TRAK1: variants seen among roughly 807,000 people sequenced by gnomAD.
TRAK1 encodes trafficking kinesin protein 1.
Under a neutral mutation model 92.1 loss-of-function variants are expected in TRAK1, and 33 were observed. That is an observed-to-expected ratio of 0.36 (90% CI 0.27 to 0.48). The LOEUF is 0.48. TRAK1 is among the 20% of genes least tolerant of loss of function. The pLI is 0.99. For missense variants in TRAK1, 1,123 were observed against 1,257.9 expected (o/e 0.89, Z 1.62); for synonymous variants, 521 against 517.3 (o/e 1.01, Z -0.10).
intron 2 of TRAK1, among the ~76,000 whole-genome samples, chr3:42,143,397 C>T (rs547694883): frequency 6.7e-5 from 10 of 149,956 alleles, no homozygotes; most frequent in South Asian, 2.1e-4. Flanking sequence ...AGGCTTAGGA[C>T]GGGGATCATT....
chr3:42,207,654 G>A (rs1190096239), intron 13 of TRAK1, among the ~76,000 whole-genome samples: 1 of 152,146 alleles, frequency 6.6e-6, no homozygotes, highest in African/African-American at 2.4e-5. Context: ...CCTCAATATA[G>A]GGAAGCTTAA....
chr3:42,128,527 G>A (rs1710881540), intron 2 of TRAK1, among the ~76,000 whole-genome samples: 1 of 152,150 alleles, frequency 6.6e-6, no homozygotes, highest in African/African-American at 2.4e-5. Flanking sequence ...TCTCACTAAG[G>A]TCCTGCTACC....
At chr3:42,171,018 G>T (rs1415947479) in intron 2 of TRAK1, among the ~76,000 whole-genome samples, 2 of 151,798 alleles carry the variant, frequency 1.3e-5, no homozygotes, top group East Asian at 3.9e-4. Context: ...TAGTAGAGAC[G>T]GGATTTCACC....
At chr3:42,060,503 T>C (rs945415726) in intron 1 of TRAK1, among the ~76,000 whole-genome samples, 3 of 152,146 alleles carry the variant, frequency 2.0e-5, no homozygotes, top group African/African-American at 7.2e-5. Context: ...GTGCCTCTTT[T>C]TCCAGGCGTG....
intron 1 of TRAK1, among the ~76,000 whole-genome samples, chr3:42,108,748 G>A (rs1218634477): frequency 6.6e-6 from 1 of 152,018 alleles, no homozygotes; most frequent in Non-Finnish European, 1.5e-5. Flanking sequence ...GCAAAAGACA[G>A]CAAAGTGATG....
chr3:42,094,313 T>G (rs1705574207), intron 1 of TRAK1, among the ~76,000 whole-genome samples: 1 of 152,190 alleles, frequency 6.6e-6, no homozygotes, highest in African/African-American at 2.4e-5. Context: ...CACTGAGCCC[T>G]GATCTCTCAT....
intron 2 of TRAK1, among the ~76,000 whole-genome samples, chr3:42,172,706 G>A (rs1311126300): frequency 6.6e-6 from 1 of 152,190 alleles, no homozygotes; most frequent in Non-Finnish European, 1.5e-5. Context: ...CAGGTGTCCT[G>A]CCTTGTTCAG....
rs373074795 is a variant in TRAK1, at chr3:42,223,095, C to T, written c.2220C>T (p.Leu740=). 76 of 1,614,080 alleles carry T rather than the reference C, an allele frequency of 4.7e-5. No individual in the cohort carries two copies. Among genetic ancestry groups the T allele is most frequent in the South Asian group, 3.7e-4 (34 of 91,068 alleles). Residue 740 remains leucine (L), a synonymous_variant, in exon 16 of 16, where the codon CTC becomes CTT. Coordinates refer to ENST00000327628, the MANE Select transcript of TRAK1 (RefSeq NM_001042646.3). This position sits in a 1 kb window ranked among gnomAD's most constrained non-coding sequence, Gnocchi z 6.1. ...STTTMSTSLG[L]VWLLKERGIS... ...CCACCATGAGCACATCCCTGGGGCT[C>T]GTGTGGCTGTTGAAGGAGCGGGGCA...
intron 2 of TRAK1, among the ~76,000 whole-genome samples, chr3:42,167,449 G>T (rs1398635650): frequency 7.2e-5 from 11 of 152,188 alleles, no homozygotes; most frequent in Admixed American, 6.5e-4. Context: ...AGAATAAAAA[G>T]AAATTGTTCT....
At chr3:42,147,622 T>C (rs1014669146) in intron 2 of TRAK1, among the ~76,000 whole-genome samples, 2 of 152,230 alleles carry the variant, frequency 1.3e-5, no homozygotes, top group Non-Finnish European at 1.5e-5. Flanking sequence ...CTTGAGGCTC[T>C]GTTATCCATA....
intron 13 of TRAK1, chr3:42,203,364 G>A (rs1481467391): frequency 1.0e-6 from 1 of 986,352 alleles, no homozygotes; most frequent in East Asian, 1.1e-4. Context: ...GTGGAGACAA[G>A]TGAGTTTTGT....
At chr3:42,022,424 G>C (rs1701753695) in intron 1 of TRAK1, among the ~76,000 whole-genome samples, 1 of 152,174 alleles carries the variant, frequency 6.6e-6, no homozygotes, top group East Asian at 1.9e-4. Context: ...AAAGTAGTTA[G>C]TCTTGTTAAA....
At chr3:42,095,091 A>G (rs1192082363) in intron 1 of TRAK1, among the ~76,000 whole-genome samples, 1 of 152,222 alleles carries the variant, frequency 6.6e-6, no homozygotes, top group Non-Finnish European at 1.5e-5. Flanking sequence ...ATTCTTGACC[A>G]AATTTCTGGC....
At chr3:42,113,674 C>T (rs1708790823) in intron 1 of TRAK1, among the ~76,000 whole-genome samples, 4 of 152,092 alleles carry the variant, frequency 2.6e-5, no homozygotes, top group Admixed American at 2.6e-4. Context: ...CTCAGCCTCC[C>T]AAAGTTCTGG....
At chr3:42,023,649 G>C (rs1200946894) in intron 1 of TRAK1, among the ~76,000 whole-genome samples, 1 of 151,964 alleles carries the variant, frequency 6.6e-6, no homozygotes, top group Non-Finnish European at 1.5e-5. Flanking sequence ...ATAAGGCTGA[G>C]GTTTCTGAGT....
intron 2 of TRAK1, among the ~76,000 whole-genome samples, chr3:42,147,561 G>C (rs1699469435): frequency 6.6e-6 from 1 of 152,188 alleles, no homozygotes; most frequent in Non-Finnish European, 1.5e-5. Flanking sequence ...TGGTTTCTTT[G>C]TCTGCTTGTG....
chr3:42,211,947 T>C (rs1409872145), intron 14 of TRAK1: 49 of 985,274 alleles, frequency 5.0e-5, no homozygotes, highest in Non-Finnish European at 5.9e-5. Flanking sequence ...AAAGGTAATT[T>C]AGGAAGGGTC....
At chr3:42,216,190 G>A (rs1355688414) in intron 14 of TRAK1, among the ~76,000 whole-genome samples, 1 of 152,170 alleles carries the variant, frequency 6.6e-6, no homozygotes, top group East Asian at 1.9e-4. Flanking sequence ...AAAGCACTGG[G>A]CCATGGGAAG....
At chr3:42,138,053 C>G (rs1337653376) in intron 2 of TRAK1, among the ~76,000 whole-genome samples, 1 of 152,112 alleles carries the variant, frequency 6.6e-6, no homozygotes. Flanking sequence ...GCAAAATAGG[C>G]ATTAAGAGAA....
Sources: allele counts gnomAD v4.1 joint callset (sites outside exome capture counted in the v4.1 genomes callset), GRCh38; gene constraint gnomAD v4.1.1; non-coding constraint Gnocchi (gnomAD v3.1); transcripts MANE v1.5; gene names NCBI Gene and HGNC (gene_info 2026-07-23, HGNC 2026-07-21).